HERC4: variants seen among roughly 807,000 people sequenced by gnomAD.
HERC4 encodes HECT and RLD domain containing E3 ubiquitin protein ligase 4, also known as probable E3 ubiquitin-protein ligase HERC4.
Under a neutral mutation model 124.3 loss-of-function variants are expected in HERC4, and 28 were observed. The ratio of observed to expected loss-of-function variants is 0.23; its 90% CI spans 0.17 to 0.31. The LOEUF (loss-of-function observed/expected upper bound fraction) is 0.31. Among genes scored for constraint, HERC4 ranks in the 10% least tolerant of loss-of-function variants. HERC4 has a pLI of 1.00. For synonymous variants in HERC4, 407 were observed against 421.5 expected, an observed-to-expected ratio of 0.97 and a Z score of 0.42; for missense variants, 713 against 1,229.3, an observed-to-expected ratio of 0.58 and a Z score of 6.28.
chr10:68,011,001 C>G (rs2037919455), intron 9 of HERC4: 1 of 720,740 alleles, frequency 1.4e-6, no homozygotes. Context: ...AAGTCTTGAG[C>G]CCCTCAGTCA....
At chr10:68,040,364 C>T (rs1466873494) in intron 4 of HERC4, 1 of 947,412 alleles carries the variant, frequency 1.1e-6, no homozygotes, top group Non-Finnish European at 1.3e-6. Context: ...TATTAATACC[C>T]TAAAGAATGG....
chr10:68,070,139 C>T, intron 3 of HERC4: 1 of 984,776 alleles, frequency 1.0e-6, no homozygotes, highest in Non-Finnish European at 1.2e-6. Flanking sequence ...TGCTCAATTA[C>T]CAGAAGACTT....
intron 16 of HERC4, 62 bp downstream of exon 16, chr10:67,966,621 T>A: frequency 6.7e-7 from 1 of 1,499,220 alleles, no homozygotes; most frequent in Non-Finnish European, 9.0e-7. Flanking sequence ...CAAGCAATTG[T>A]TTCTTTTTTT....
At chr10:68,059,320 G>A (rs1449846730) in intron 3 of HERC4, among the ~76,000 whole-genome samples, 1 of 150,396 alleles carries the variant, frequency 6.6e-6, no homozygotes, top group Non-Finnish European at 1.5e-5. Context: ...ATCCATAAAT[G>A]TGGTTTTCAT....
intron 5 of HERC4, among the ~76,000 whole-genome samples, chr10:68,035,156 CTTTT>C (rs34966031): frequency 2.1e-5 from 3 of 139,658 alleles, no homozygotes; most frequent in Admixed American, 7.3e-5. Flanking sequence ...GACAACCACT[CTTTT>C]TTTTTTTTTT....
At chr10:67,970,488 A>G (rs1269236641) in intron 15 of HERC4, among the ~76,000 whole-genome samples, 1 of 152,072 alleles carries the variant, frequency 6.6e-6, no homozygotes, top group Non-Finnish European at 1.5e-5. Flanking sequence ...GCAACTTGGG[A>G]GGCTAAAGCA....
intron 15 of HERC4, among the ~76,000 whole-genome samples, chr10:67,976,297 A>G (rs183192778): frequency 1.3e-5 from 2 of 152,316 alleles, no homozygotes; most frequent in Non-Finnish European, 2.9e-5. Context: ...AAAAAACACA[A>G]TGGCTTTCCC....
Position 67,954,750 on chromosome 10 carries a change from C to A in HERC4, c.2194-12G>T. The A allele has an allele frequency of 6.2e-7, 1 of 1,610,882 alleles. No homozygotes were observed. The highest frequency in any genetic ancestry group is 8.5e-7 in the Non-Finnish European group (1 of 1,178,586). On this transcript the variant is annotated splice_polypyrimidine_tract_variant and intron_variant, in intron 18 of 24. Coordinates refer to ENST00000373700, the MANE Select transcript of HERC4 (RefSeq NM_015601.4). ...CCAACAAATATAACCTAAAATAGCA[C>A]AATGCAAACACCAAATAGACTGTAA...
chr10:68,043,673 A>C (rs1163934896), intron 4 of HERC4, among the ~76,000 whole-genome samples: 1 of 151,996 alleles, frequency 6.6e-6, no homozygotes, highest in African/African-American at 2.4e-5. Context: ...AAAATTAGCC[A>C]GCTGTGGTGG....
chr10:68,030,308 G>A (rs1275197341), intron 7 of HERC4, among the ~76,000 whole-genome samples: 7 of 151,930 alleles, frequency 4.6e-5, no homozygotes, highest in Non-Finnish European at 1.0e-4. Context: ...GGGTGTGATC[G>A]TGCATGCCTA....
At chr10:68,003,147 A>C (rs1173698999) in intron 9 of HERC4, among the ~76,000 whole-genome samples, 1 of 150,928 alleles carries the variant, frequency 6.6e-6, no homozygotes, top group Non-Finnish European at 1.5e-5. Context: ...TCATTCTATT[A>C]ACTATATTTT....
At chr10:68,037,937 C>T (rs2039563199) in intron 5 of HERC4, among the ~76,000 whole-genome samples, 156 bp downstream of exon 5, 1 of 151,946 alleles carries the variant, frequency 6.6e-6, no homozygotes, top group African/African-American at 2.4e-5. Flanking sequence ...TGTGTACAGA[C>T]TGACAAGCTA....
In HERC4 at chr10:68,051,724, C is replaced by T. The variant is rs1178776891; in HGVS notation, c.227-7161G>A. On this transcript the variant is annotated intron_variant, in intron 3 of 24. Transcript: ENST00000373700. ...TTTTTTTTTGAGACAGGATCTCACTCTGTTGCCCAGGCTGGAGTGCAGTGG... is the reference window on the plus strand; with the variant it reads ...TTTTTTTTTGAGACAGGATCTCACTTTGTTGCCCAGGCTGGAGTGCAGTGG... Among the ~76,000 whole-genome samples the T allele has an allele frequency of 2.7e-5, 4 of 147,132 alleles. No individual in the cohort carries two copies. In the South Asian group the frequency reaches 8.6e-4, roughly 31 times the overall value.
chr10:67,954,151 A>G (rs1357984066), intron 19 of HERC4: 1 of 152,546 alleles, frequency 6.6e-6, no homozygotes, highest in Non-Finnish European at 1.5e-5. Flanking sequence ...TTGTAGCATG[A>G]AAGTAGCCTT....
At chr10:68,020,489 G>A (rs1048195277) in intron 8 of HERC4, among the ~76,000 whole-genome samples, 1 of 151,976 alleles carries the variant, frequency 6.6e-6, no homozygotes, top group African/African-American at 2.4e-5. Context: ...AGTTTGGGCC[G>A]GGCGCGGTGG....
intron 3 of HERC4, among the ~76,000 whole-genome samples, chr10:68,065,795 G>A (rs768455832): frequency 1.3e-5 from 2 of 152,068 alleles, no homozygotes; most frequent in Admixed American, 1.3e-4. Flanking sequence ...GGGAAGTCGA[G>A]GCTGCATTGA....
chr10:67,965,769 T>C (rs182828571), intron 16 of HERC4: 2 of 152,316 alleles, frequency 1.3e-5, no homozygotes, highest in East Asian at 3.9e-4. Context: ...ACCCTTCTAT[T>C]ATATAACTGC....
chr10:68,031,927 T>C (rs2039228163), intron 7 of HERC4, among the ~76,000 whole-genome samples: 1 of 152,070 alleles, frequency 6.6e-6, no homozygotes. Flanking sequence ...AACTTTCGTA[T>C]TTTTAGAAGA....
At chr10:67,946,310 A>G (rs1345592392) in intron 19 of HERC4, among the ~76,000 whole-genome samples, 1 of 150,374 alleles carries the variant, frequency 6.7e-6, no homozygotes, top group African/African-American at 2.4e-5. Context: ...TAAACTCTCC[A>G]ATCAAAAGAC....
Sources: gnomAD v4.1 joint callset for allele counts (sites outside exome capture counted in the v4.1 genomes callset) on GRCh38, gnomAD v4.1.1 for gene constraint, MANE v1.5 for transcripts, NCBI Gene and HGNC (gene_info 2026-07-23, HGNC 2026-07-21) for gene names.